Variants in STAMBP observed in about 807,000 individuals in gnomAD.
STAMBP encodes the protein STAM-binding protein.
STAMBP carries 31 observed loss-of-function variants against 50.7 expected under a neutral mutation model. The observed-to-expected ratio is 0.61, with a 90% confidence interval of 0.46 to 0.83. The LOEUF is 0.83. Among genes scored for constraint, STAMBP ranks in the 40% least tolerant of loss-of-function variants. STAMBP has a pLI of 0.00. For synonymous variants in STAMBP, 211 were observed against 192.4 expected, an observed-to-expected ratio of 1.10 and a Z score of -0.80; for missense variants, 472 against 518.9, an observed-to-expected ratio of 0.91 and a Z score of 0.88.
At position 73,847,733 on chromosome 2, in the gene STAMBP, C is replaced by T. The variant is rs1447341519; in HGVS notation, c.722C>T (p.Ala241Val). Residue 241 changes from alanine to valine, a missense_variant, in exon 5 of 10, where the codon GCA becomes GTA. Transcript: ENST00000394070. ...GTGGACAGGTCCTTGAAACCTGGAG[C>T]ACTGAGCAACTCAGAAAGTAGTAAG... is the stretch of plus-strand genomic sequence containing the variant. ...PVVDRSLKPG[A>V]LSNSESIPTI... The T allele has an allele frequency of 1.2e-6, 2 of 1,613,406 alleles. No homozygotes were observed. The highest frequency in any genetic ancestry group is 1.7e-6 in the Non-Finnish European group (2 of 1,179,776).
In STAMBP at chr2:73,860,043, A is replaced by C. The variant is rs1212193803; in HGVS notation, c.1119-9A>C. Reference sequence around the variant, plus strand: ...GCTTGACTCTTAGCCTGCCTTTTTTAAATTTCAGAACTGGATTCTTTAAAC... The same window carrying C: ...GCTTGACTCTTAGCCTGCCTTTTTTCAATTTCAGAACTGGATTCTTTAAAC... On this transcript the variant is annotated splice_polypyrimidine_tract_variant and intron_variant, in intron 8 of 9. Transcript: ENST00000394070. 3.1e-6 allele frequency: 5 copies of C among 1,607,080 alleles called. No homozygotes were observed.
At chr2:73,852,961 T>C (rs1159067710) in intron 7 of STAMBP, among the ~76,000 whole-genome samples, 1 of 150,984 alleles carries the variant, frequency 6.6e-6, no homozygotes, top group African/African-American at 2.4e-5. Context: ...TGTGTATTTT[T>C]AGTAGAGACT....
rs1380593092 is a variant in STAMBP, at chr2:73,859,272, G to A, written c.1024G>A (p.Ala342Thr). 5.0e-6 allele frequency: 8 copies of A among 1,613,292 alleles called. No individual in the cohort carries two copies. The highest frequency in any genetic ancestry group is 1.3e-5 in the African/African-American group (1 of 74,666). ...TCCTCAGACTCACCCCACACAGACC[G>A]CGTTTCTCTCCAGTGTCGACCTACA... ...GWIHTHPTQTAFLSSVDLHTH... is the reference protein window; with the variant it reads ...GWIHTHPTQTTFLSSVDLHTH... The change falls in exon 8 of 10, where the codon GCG becomes ACG. Residue 342 changes from alanine (A) to threonine (T), a missense_variant. Coordinates refer to ENST00000394070, the MANE Select transcript of STAMBP (RefSeq NM_213622.4).
chr2:73,834,335 C>A (rs1242944596), intron 2 of STAMBP, among the ~76,000 whole-genome samples: 1 of 127,336 alleles, frequency 7.9e-6, no homozygotes, highest in Admixed American at 8.8e-5. Flanking sequence ...TTACTCTTGA[C>A]TGGAAGCCTT....
chr2:73,843,562 C>T (rs1163075083), intron 2 of STAMBP, among the ~76,000 whole-genome samples: 1 of 151,972 alleles, frequency 6.6e-6, no homozygotes, highest in African/African-American at 2.4e-5. Flanking sequence ...AGCCACCGCA[C>T]CCAGCCTCTT....
intron 2 of STAMBP, among the ~76,000 whole-genome samples, chr2:73,836,531 G>A (rs757679958): frequency 1.6e-4 from 25 of 152,230 alleles, no homozygotes; most frequent in Non-Finnish European, 3.4e-4. Flanking sequence ...AGGGAGCTGT[G>A]GGAGGAATAG....
In STAMBP at chr2:73,828,995, A is replaced by G. The variant is rs1005519811; in HGVS notation, c.-528A>G. 6.6e-6 allele frequency: 1 copy of G among 152,334 alleles called. No individual in the cohort carries two copies. The highest frequency in any genetic ancestry group is 1.9e-4 in the East Asian group (1 of 5,194). The allele number at this position is 152,334 out of a possible 1,614,324, so 9.4% of individuals were successfully genotyped here. A position where few individuals can be genotyped will look rare whatever the true frequency, so the allele number is the denominator to read the frequency against. Reference sequence around the variant, plus strand: ...ACCTCCGGGTGTCATCCGCGGGGAAAGGTGGGGAAGGGTCCCGGGAACGTG... The same window carrying G: ...ACCTCCGGGTGTCATCCGCGGGGAAGGGTGGGGAAGGGTCCCGGGAACGTG... On this transcript the variant is annotated 5_prime_UTR_variant, in exon 1 of 10. Coordinates refer to ENST00000394070, the MANE Select transcript of STAMBP (RefSeq NM_213622.4).
In STAMBP at chr2:73,866,795, C is replaced by T. The variant is rs1056347313; in HGVS notation, c.*4536C>T. 6.6e-6 allele frequency: 1 copy of T among 152,198 alleles called. No homozygotes were observed. The highest frequency in any genetic ancestry group is 1.5e-5 in the Non-Finnish European group (1 of 68,080). The allele number at this position is 152,198 out of a possible 1,614,324, so 9.4% of individuals were successfully genotyped here. ...AGGAGGAGACAAGGAGATAGTGACA[C>T]CAGTATCTTGTCACAGAAATCAAGG... On this transcript the variant is annotated 3_prime_UTR_variant, in exon 10 of 10. Transcript: ENST00000394070.
intron 2 of STAMBP, among the ~76,000 whole-genome samples, chr2:73,835,670 A>G (rs997633740): frequency 6.6e-6 from 1 of 152,180 alleles, no homozygotes; most frequent in African/African-American, 2.4e-5. Context: ...TCACTTAGGA[A>G]AAAAGATACT....
chr2:73,860,278 C>T, intron 9 of STAMBP, 127 bp downstream of exon 9: 5 of 737,622 alleles, frequency 6.8e-6, no homozygotes, highest in Non-Finnish European at 1.1e-5. Context: ...TGCCAGATCT[C>T]CATAATAAGG....
intron 2 of STAMBP, among the ~76,000 whole-genome samples, chr2:73,842,355 G>A (rs985889535): frequency 3.3e-5 from 5 of 152,164 alleles, no homozygotes; most frequent in Non-Finnish European, 5.9e-5. Flanking sequence ...AGGTGAACTG[G>A]CATGTCTGAA....
chr2:73,861,658 A>T (rs916363711), intron 9 of STAMBP, among the ~76,000 whole-genome samples: 10 of 149,784 alleles, frequency 6.7e-5, no homozygotes, highest in Non-Finnish European at 1.2e-4. Context: ...AGCTGGGACT[A>T]CAGGTGCGCG....
At chr2:73,849,929 C>T (rs1676601400) in intron 6 of STAMBP, among the ~76,000 whole-genome samples, 1 of 152,128 alleles carries the variant, frequency 6.6e-6, no homozygotes, top group African/African-American at 2.4e-5. Flanking sequence ...GGAAAGGTCA[C>T]TGAATGGAGG....
intron 7 of STAMBP, among the ~76,000 whole-genome samples, chr2:73,853,929 T>A (rs983374489): frequency 2.6e-5 from 4 of 152,246 alleles, no homozygotes; most frequent in African/African-American, 9.6e-5. Flanking sequence ...GCTTTTACCT[T>A]TTTGTAAATG....
chr2:73,835,735 A>G (rs890286196), intron 2 of STAMBP, among the ~76,000 whole-genome samples: 2 of 152,176 alleles, frequency 1.3e-5, no homozygotes, highest in African/African-American at 2.4e-5. Context: ...AGGGTAGTCC[A>G]TGTATTGAGA....
chr2:73,847,717 T>C lies in STAMBP; in HGVS notation c.706T>C (p.Ser236Pro). Residue 236 changes from serine to proline, a missense_variant, in exon 5 of 10, where the codon TCC becomes CCC. Transcript: ENST00000394070. ...AGCTAAGCCACCTGTGGTGGACAGG[T>C]CCTTGAAACCTGGAGCACTGAGCAA... ...RPAKPPVVDR[S>P]LKPGALSNSE... 1 of 1,614,020 alleles carries C rather than the reference T, an allele frequency of 6.2e-7. No individual in the cohort carries two copies. Among genetic ancestry groups the C allele is most frequent in the South Asian group, 1.1e-5 (1 of 91,072 alleles).
At chr2:73,869,719 GT>G (rs926895872), downstream of STAMBP, among the ~76,000 whole-genome samples, 4 of 151,532 alleles carry the variant, frequency 2.6e-5, no homozygotes, top group East Asian at 7.7e-4. Flanking sequence ...AAAACTTAAA[GT>G]ATAATAATAA....
intron 3 of STAMBP, 50 bp from the exon 4 acceptor site, chr2:73,845,117 C>A: frequency 6.3e-7 from 1 of 1,597,020 alleles, no homozygotes. Context: ...CTTTTGGATT[C>A]TGTAATTTTC....
intron 5 of STAMBP, among the ~76,000 whole-genome samples, chr2:73,848,458 ATTC>A (rs1343974066): frequency 5.9e-5 from 9 of 152,230 alleles, no homozygotes; most frequent in Non-Finnish European, 1.3e-4. Flanking sequence ...ATACTCTGAT[ATTC>A]TTATCTGAGA....
Sources: gnomAD v4.1 joint callset for allele counts (sites outside exome capture counted in the v4.1 genomes callset) on GRCh38, gnomAD v4.1.1 for gene constraint, MANE v1.5 for transcripts, NCBI Gene and HGNC (gene_info 2026-07-23, HGNC 2026-07-21) for gene names.